The following LARP1B variants were observed in gnomAD, a reference collection of about 807,000 sequenced individuals.
LARP1B encodes the protein la-related protein 1B.
In LARP1B, 76 loss-of-function variants were observed where a neutral mutation model predicts 114.2. That is an observed-to-expected ratio of 0.67 (90% confidence interval 0.55 to 0.81). The LOEUF (loss-of-function observed/expected upper bound fraction) is 0.81, where lower values mean the gene tolerates loss of function less well. LARP1B is among the 30% of genes least tolerant of loss of function. LARP1B has a pLI of 0.00. For missense variants in LARP1B, 1,014 were observed against 1,075.8 expected (o/e 0.94, Z 0.80); for synonymous variants, 345 against 348.0 (o/e 0.99, Z 0.10).
At chr4:128,098,767 A>ATATATATATTTTT (rs1328165907) in intron 8 of LARP1B, among the ~76,000 whole-genome samples, 30 of 35,004 alleles carry the variant, frequency 8.6e-4, no homozygotes, top group Non-Finnish European at 1.2e-3. Context: ...ATATATATAT[A>ATATATATATTTTT]TTTTTTTTTT....
At chr4:128,083,563 G>A (rs1311944526) in intron 5 of LARP1B, among the ~76,000 whole-genome samples, 3 of 143,202 alleles carry the variant, frequency 2.1e-5, no homozygotes, top group Admixed American at 6.9e-5. Context: ...GGCGGCTGGC[G>A]GGCAGGGGGC....
intron 11 of LARP1B, among the ~76,000 whole-genome samples, chr4:128,128,653 G>A (rs890364772): frequency 2.0e-5 from 3 of 152,174 alleles, no homozygotes; most frequent in Admixed American, 2.0e-4. Context: ...GCTGGCCTGG[G>A]AGAATTTAAA....
chr4:128,115,847 C>CGG (rs759768497), intron 10 of LARP1B, among the ~76,000 whole-genome samples: 13 of 152,198 alleles, frequency 8.5e-5, no homozygotes, highest in Non-Finnish European at 1.2e-4. Flanking sequence ...CTGGTAGAGA[C>CGG]GGGATTACAC....
chr4:128,119,627 A>G (rs928724648), intron 10 of LARP1B, among the ~76,000 whole-genome samples: 2 of 152,212 alleles, frequency 1.3e-5, no homozygotes, highest in Non-Finnish European at 2.9e-5. Context: ...ACTCCTTGTA[A>G]CTGCCATCTC....
chr4:128,074,829 T>C (rs1179195834), intron 2 of LARP1B, 105 bp from the exon 3 acceptor site: 1 of 751,948 alleles, frequency 1.3e-6, no homozygotes, highest in African/African-American at 1.8e-5. Flanking sequence ...TATAACTGAA[T>C]ATAAATGATT....
intron 11 of LARP1B, among the ~76,000 whole-genome samples, chr4:128,133,167 A>G (rs1486723183): frequency 6.6e-6 from 1 of 152,208 alleles, no homozygotes; most frequent in African/African-American, 2.4e-5. Flanking sequence ...GCTACAGACC[A>G]GTACTGGTGA....
At chr4:128,126,795 G>A (rs1789772589) in intron 11 of LARP1B, among the ~76,000 whole-genome samples, 1 of 141,272 alleles carries the variant, frequency 7.1e-6, no homozygotes, top group African/African-American at 2.5e-5. Context: ...TTATTATAAA[G>A]CTTTTTATTT....
At chr4:128,131,570 TAGGC>T (rs1195550716) in intron 11 of LARP1B, among the ~76,000 whole-genome samples, 1 of 152,006 alleles carries the variant, frequency 6.6e-6, no homozygotes. Flanking sequence ...AGATATAAAC[TAGGC>T]AGGTGTGGTG....
At position 128,149,891 on chromosome 4, in the gene LARP1B, G is replaced by A. The variant is rs995663166; in HGVS notation, c.1525-12303G>A. 4.6e-5 allele frequency among the ~76,000 whole-genome samples: 7 copies of A among 152,280 alleles called. No individual in the cohort carries two copies. In the East Asian group the frequency reaches 9.7e-4, roughly 21 times the overall value. ...GTGTGGGCTGGGCGCAGTGGCTCAC[G>A]CCTGTAATCCCAGCATTTTGGGAGG... On this transcript the variant is annotated intron_variant, in intron 11 of 19. Transcript: ENST00000326639.
chr4:128,155,464 G>A, intron 11 of LARP1B: 1 of 756,294 alleles, frequency 1.3e-6, no homozygotes, highest in Non-Finnish European at 2.4e-6. Flanking sequence ...CAGCCCCCCG[G>A]CCGCAGTGCA....
intron 12 of LARP1B, among the ~76,000 whole-genome samples, chr4:128,170,897 ATTG>A (rs906932139): frequency 4.4e-5 from 2 of 45,974 alleles, no homozygotes; most frequent in East Asian, 9.8e-4. Context: ...TTTGGCTTCT[ATTG>A]CCCATTTTGT....
intron 1 of LARP1B, among the ~76,000 whole-genome samples, chr4:128,062,659 G>A (rs1437253766): frequency 6.8e-6 from 1 of 146,178 alleles, no homozygotes; most frequent in Non-Finnish European, 1.5e-5. Flanking sequence ...ATTCGTAAGT[G>A]GAAGCGCGAT....
rs866119125 is a variant in LARP1B, at chr4:128,166,995, C to T, written c.1648+4678C>T. Among the ~76,000 whole-genome samples the T allele has an allele frequency of 2.1e-3, 299 of 139,710 alleles. 1 individual carries two copies. The highest frequency in any genetic ancestry group is 7.0e-3 in the African/African-American group (263 of 37,508). 91.7% of individuals were successfully genotyped at this position (139,710 alleles called of 152,430 possible). A position where few individuals can be genotyped will look rare whatever the true frequency, so the allele number is the denominator to read the frequency against. On this transcript the variant is annotated intron_variant, in intron 12 of 19. Coordinates refer to ENST00000326639, the MANE Select transcript of LARP1B (RefSeq NM_018078.4). ...CTATATATATATATATATATATATA[C>T]ACACACACATATATATACATATATA... is the stretch of plus-strand genomic sequence containing the variant.
intron 6 of LARP1B, chr4:128,220,351 A>G (rs1759920640): frequency 3.1e-6 from 3 of 953,128 alleles, no homozygotes; most frequent in African/African-American, 3.5e-5. Context: ...TTATTCTTGC[A>G]TAGGAGGCTG....
chr4:128,066,064 TG>T (rs1762669026), intron 1 of LARP1B, among the ~76,000 whole-genome samples: 1 of 151,762 alleles, frequency 6.6e-6, no homozygotes, highest in African/African-American at 2.4e-5. Context: ...CTTGAGCTCT[TG>T]GGGTCAAGCT....
At chr4:128,098,747 G>GTGTGTGTGTATATATATATA in intron 8 of LARP1B, among the ~76,000 whole-genome samples, 13 of 15,584 alleles carry the variant, frequency 8.3e-4, no homozygotes, top group African/African-American at 1.4e-3. Flanking sequence ...ATATGTATGT[G>GTGTGTGTGTATATATATATA]TATATATATA....
intron 1 of LARP1B, among the ~76,000 whole-genome samples, chr4:128,066,165 CTTTTTTTTTTTT>C (rs59927866): frequency 2.0e-5 from 2 of 99,188 alleles, no homozygotes; most frequent in Admixed American, 2.7e-4. Flanking sequence ...TTTCTTTCTT[CTTTTTTTTTTTT>C]TTTTTTTTTG....
intron 17 of LARP1B, among the ~76,000 whole-genome samples, chr4:128,205,613 C>T (rs988813433): frequency 6.6e-6 from 1 of 152,198 alleles, no homozygotes; most frequent in African/African-American, 2.4e-5. Context: ...CAGGGAGGCT[C>T]TCTTAACCAT....
chr4:128,170,991 G>A lies in LARP1B; in HGVS notation c.1649-5881G>A, dbSNP rs368733010. 1.8e-4 allele frequency among the ~76,000 whole-genome samples: 25 copies of A among 135,416 alleles called. 1 individual carries two copies. The South Asian group carries it at 5.3e-3, about 29-fold the overall frequency. 88.8% of individuals were successfully genotyped at this position (135,416 alleles called of 152,430 possible). ...AATTTGGACATATATATCTTTTTTTGTATAATTGTTTTTAGTGATTGCTCT... is the reference window on the plus strand; with the variant it reads ...AATTTGGACATATATATCTTTTTTTATATAATTGTTTTTAGTGATTGCTCT... On this transcript the variant is annotated intron_variant, in intron 12 of 19. Transcript: ENST00000326639.
Sources: gnomAD v4.1 joint callset for allele counts (sites outside exome capture counted in the v4.1 genomes callset) on GRCh38, gnomAD v4.1.1 for gene constraint, MANE v1.5 for transcripts, NCBI Gene and HGNC (gene_info 2026-07-23, HGNC 2026-07-21) for gene names.